PTPRD: variants seen among roughly 807,000 people sequenced by gnomAD.
PTPRD encodes protein tyrosine phosphatase receptor type D, also known as receptor-type tyrosine-protein phosphatase delta.
Under a neutral mutation model 214.5 loss-of-function variants are expected in PTPRD, and 34 were observed. The observed-to-expected ratio is 0.16, with a 90% CI of 0.12 to 0.21. The LOEUF (loss-of-function observed/expected upper bound fraction) is 0.21, where lower values mean the gene tolerates loss of function less well. PTPRD is among the 10% of genes least tolerant of loss of function. PTPRD has a pLI of 1.00. For synonymous variants in PTPRD, 1,128 were observed against 845.7 expected, an observed-to-expected ratio of 1.33 and a Z score of -5.79; for missense variants, 2,545 against 2,398.7, an observed-to-expected ratio of 1.06 and a Z score of -1.27.
chr9:10,160,581 G>C (rs865909869), intron 3 of PTPRD, among the ~76,000 whole-genome samples: 1 of 151,826 alleles, frequency 6.6e-6, no homozygotes, highest in African/African-American at 2.4e-5. Flanking sequence ...CATACCTCAT[G>C]AAAATAAAGG....
chr9:8,688,352 T>G (rs538848207), intron 12 of PTPRD, among the ~76,000 whole-genome samples: 102 of 151,882 alleles, frequency 6.7e-4, no homozygotes, highest in East Asian at 2.5e-3. Flanking sequence ...GGATCACAAG[T>G]TCAGGAGATC....
chr9:8,450,891 A>T (rs1275225427), intron 33 of PTPRD, among the ~76,000 whole-genome samples: 1 of 152,148 alleles, frequency 6.6e-6, no homozygotes, highest in African/African-American at 2.4e-5. Context: ...CACAGTCACA[A>T]TCCTAGTATC....
intron 11 of PTPRD, among the ~76,000 whole-genome samples, chr9:8,756,322 C>T (rs10116825): frequency 0.051 from 7,687 of 152,142 alleles, 474 homozygotes; most frequent in African/African-American, 0.15. Context: ...ATTGTCCCCA[C>T]CCCCGGGAGA....
chr9:9,211,560 A>ACACACAC, intron 9 of PTPRD, among the ~76,000 whole-genome samples: 1 of 130,084 alleles, frequency 7.7e-6, no homozygotes, highest in South Asian at 2.5e-4. Flanking sequence ...CACACACACA[A>ACACACAC]GAGCTAAGGT....
chr9:8,376,194 T>G, intron 38 of PTPRD, 104 bp from the exon 39 acceptor site: 1 of 1,317,046 alleles, frequency 7.6e-7, no homozygotes, highest in South Asian at 1.4e-5. Context: ...TTTAATTCCT[T>G]TCTACCACCC....
chr9:8,851,754 T>C (rs2097820354), intron 11 of PTPRD, among the ~76,000 whole-genome samples: 1 of 152,176 alleles, frequency 6.6e-6, no homozygotes, highest in Non-Finnish European at 1.5e-5. Context: ...ATTCCCTCCA[T>C]TTTACAGATG....
At chr9:10,298,557 C>A (rs1014240607) in intron 3 of PTPRD, among the ~76,000 whole-genome samples, 2 of 152,060 alleles carry the variant, frequency 1.3e-5, no homozygotes, top group African/African-American at 4.8e-5. Context: ...CCATCATTCT[C>A]AGACAAAAAT....
At chr9:9,685,404 T>G (rs997616114) in intron 7 of PTPRD, among the ~76,000 whole-genome samples, 7 of 151,398 alleles carry the variant, frequency 4.6e-5, no homozygotes, top group Non-Finnish European at 1.0e-4. Flanking sequence ...AGTAAAAGTT[T>G]ATTACATTTT....
At chr9:8,434,145 G>C (rs2095240957) in intron 35 of PTPRD, among the ~76,000 whole-genome samples, 1 of 152,102 alleles carries the variant, frequency 6.6e-6, no homozygotes, top group African/African-American at 2.4e-5. Flanking sequence ...ACCACGCCTG[G>C]CTAATTTTGT....
chr9:10,146,626 C>G (rs1243147757), intron 3 of PTPRD, among the ~76,000 whole-genome samples: 3 of 152,046 alleles, frequency 2.0e-5, no homozygotes, highest in African/African-American at 7.2e-5. Context: ...TTCTAAAGCC[C>G]TTTAGCTTGG....
At chr9:9,764,859 T>C (rs1043394006) in intron 6 of PTPRD, among the ~76,000 whole-genome samples, 5 of 152,126 alleles carry the variant, frequency 3.3e-5, no homozygotes, top group Non-Finnish European at 7.3e-5. Flanking sequence ...AATGTTCTAG[T>C]TTTCAGTTCA....
At chr9:9,352,351 G>A (rs1569567630) in intron 9 of PTPRD, among the ~76,000 whole-genome samples, 3 of 140,492 alleles carry the variant, frequency 2.1e-5, no homozygotes, top group Non-Finnish European at 4.8e-5. Context: ...GTGTGTGTGT[G>A]TGTATATATG....
intron 5 of PTPRD, among the ~76,000 whole-genome samples, chr9:9,882,701 A>G (rs7857410): frequency 0.086 from 13,070 of 152,108 alleles, 1,351 homozygotes; most frequent in African/African-American, 0.25. Flanking sequence ...GTTAAGGAGG[A>G]AGTCTTGTCC....
chr9:9,671,898 G>A (rs1293116559), intron 7 of PTPRD, among the ~76,000 whole-genome samples: 1 of 152,122 alleles, frequency 6.6e-6, no homozygotes, highest in East Asian at 1.9e-4. Context: ...ACTTACATTT[G>A]CCACAAACAT....
At chr9:10,376,855 T>C (rs2097738241) in intron 2 of PTPRD, among the ~76,000 whole-genome samples, 1 of 152,008 alleles carries the variant, frequency 6.6e-6, no homozygotes, top group South Asian at 2.1e-4. Context: ...TCGCATCATG[T>C]AAAATAGAGT....
intron 8 of PTPRD, among the ~76,000 whole-genome samples, chr9:9,566,643 T>C (rs1194688671): frequency 6.6e-6 from 1 of 151,960 alleles, no homozygotes; most frequent in African/African-American, 2.4e-5. Context: ...AAATATAAAA[T>C]TAGCACAATT....
In PTPRD at chr9:9,235,618, C is replaced by A. The variant is rs530024100; in HGVS notation, c.-202-52255G>T. 1.5e-4 allele frequency among the ~76,000 whole-genome samples: 23 copies of A among 152,198 alleles called. No individual in the cohort carries two copies. The South Asian group carries it at 4.8e-3, about 32-fold the overall frequency. On this transcript the variant is annotated intron_variant, in intron 9 of 45. Coordinates refer to ENST00000381196, the MANE Select transcript of PTPRD (RefSeq NM_002839.4). Reference sequence around the variant, plus strand: ...ACTGTTTCTGGTGTCCAATAAGGGACACCTGAGACACCTGACTCACTTTGG... The same window carrying A: ...ACTGTTTCTGGTGTCCAATAAGGGAAACCTGAGACACCTGACTCACTTTGG...
chr9:10,126,176 A>G (rs1401293687), intron 3 of PTPRD, among the ~76,000 whole-genome samples: 2 of 152,164 alleles, frequency 1.3e-5, no homozygotes, highest in Non-Finnish European at 2.9e-5. Flanking sequence ...GCATATACTC[A>G]TACTGTTATT....
At chr9:9,829,811 A>C (rs2054211838) in intron 5 of PTPRD, among the ~76,000 whole-genome samples, 1 of 151,800 alleles carries the variant, frequency 6.6e-6, no homozygotes, top group African/African-American at 2.4e-5. Context: ...CATTATTATT[A>C]CTTTTAAGAG....
Sources: gnomAD v4.1 joint callset for allele counts (sites outside exome capture counted in the v4.1 genomes callset) on GRCh38, gnomAD v4.1.1 for gene constraint, MANE v1.5 for transcripts, NCBI Gene and HGNC (gene_info 2026-07-23, HGNC 2026-07-21) for gene names.